CDC14B: variants seen among roughly 807,000 people sequenced by gnomAD.
CDC14B encodes cell division cycle 14B, also known as dual specificity protein phosphatase CDC14B.
Under a neutral mutation model 64.2 loss-of-function variants are expected in CDC14B, and 22 were observed. That is an observed-to-expected ratio of 0.34 (90% CI 0.24 to 0.49). The LOEUF (loss-of-function observed/expected upper bound fraction) is 0.49, where lower values mean the gene tolerates loss of function less well. Among genes scored for constraint, CDC14B ranks in the 20% least tolerant of loss-of-function variants. CDC14B has a pLI of 0.99. For missense variants in CDC14B, 498 were observed against 629.9 expected (o/e 0.79, Z 2.24); for synonymous variants, 191 against 215.8 (o/e 0.89, Z 1.01).
At chr9:96,492,045 G>A (rs1290206403) in exon 14 of CDC14B, 3 of 152,368 alleles carry the variant, frequency 2.0e-5, no homozygotes, top group Non-Finnish European at 4.4e-5. Flanking sequence ...GGAGGCGGCA[G>A]GACCTTTTGG....
chr9:96,598,812 GAATACAGCATTTT>G (rs1461230418), intron 1 of CDC14B, among the ~76,000 whole-genome samples: 1 of 151,988 alleles, frequency 6.6e-6, no homozygotes, highest in Non-Finnish European at 1.5e-5. Context: ...CCAAATTATT[GAATACAGCATTTT>G]AATACCTAAA....
intron 1 of CDC14B, among the ~76,000 whole-genome samples, chr9:96,617,491 AT>A (rs1251689133): frequency 3.9e-5 from 6 of 152,164 alleles, no homozygotes; most frequent in Non-Finnish European, 5.9e-5. Context: ...CCGTATGTAC[AT>A]TGGCCTAAGC....
intron 2 of CDC14B, 55 bp from the exon 3 acceptor site, chr9:96,564,907 A>G (rs1165986346): frequency 8.2e-7 from 1 of 1,214,368 alleles, no homozygotes; most frequent in Admixed American, 2.3e-5. Flanking sequence ...CTGAATATAA[A>G]TGCCTTTTTT....
At chr9:96,507,706 G>A (rs1247539919) in intron 13 of CDC14B, among the ~76,000 whole-genome samples, 2 of 151,644 alleles carry the variant, frequency 1.3e-5, no homozygotes, top group South Asian at 2.1e-4. Context: ...GAGCCACCGC[G>A]CCCAGCCTGA....
intron 1 of CDC14B, among the ~76,000 whole-genome samples, chr9:96,569,970 G>A (rs1053018009): frequency 2.0e-5 from 3 of 152,146 alleles, no homozygotes; most frequent in African/African-American, 7.2e-5. Context: ...TCCCCCCATT[G>A]ATGTTTCTGT....
intron 1 of CDC14B, among the ~76,000 whole-genome samples, chr9:96,599,750 T>C (rs1237734233): frequency 6.6e-6 from 1 of 152,174 alleles, no homozygotes; most frequent in East Asian, 1.9e-4. Context: ...TGTTTTCTTT[T>C]TTTTTTGAGA....
intron 8 of CDC14B, 141 bp from the exon 9 acceptor site, chr9:96,534,298 A>C: frequency 1.3e-6 from 1 of 783,462 alleles, no homozygotes; most frequent in Non-Finnish European, 2.0e-6. Flanking sequence ...ACAAAAGAAA[A>C]GAAAGTTAAA....
At chr9:96,541,931 T>A in intron 5 of CDC14B, 39 bp from the exon 6 acceptor site, 1 of 1,432,116 alleles carries the variant, frequency 7.0e-7, no homozygotes, top group Non-Finnish European at 9.8e-7. Flanking sequence ...TCAGTTAATT[T>A]TCTGCAATTA....
chr9:96,600,477 A>G (rs1846360218), intron 1 of CDC14B, among the ~76,000 whole-genome samples: 1 of 151,790 alleles, frequency 6.6e-6, no homozygotes, highest in South Asian at 2.1e-4. Context: ...GATTAATGGG[A>G]TAAGGAGAGA....
rs1317053131 is a variant in CDC14B, at chr9:96,533,920, A to C, written c.946+7T>G. ...ATACTATTCTTTAACCACCCCTAGA[A>C]ACATACCTTTGCAATGTACTGCAAT... On this transcript the variant is annotated splice_region_variant and intron_variant, in intron 9 of 13. Coordinates refer to ENST00000375241, the MANE Select transcript of CDC14B (RefSeq NM_033331.4). 1 of 1,586,126 alleles carries C rather than the reference A, an allele frequency of 6.3e-7. No individual in the cohort carries two copies. The highest frequency in any genetic ancestry group is 1.7e-5 in the Admixed American group (1 of 58,598).
intron 5 of CDC14B, among the ~76,000 whole-genome samples, chr9:96,545,275 T>C (rs1840633533): frequency 6.6e-6 from 1 of 151,998 alleles, no homozygotes; most frequent in Non-Finnish European, 1.5e-5. Flanking sequence ...AACCCTCAAG[T>C]TGGATCCCAA....
chr9:96,605,210 T>A (rs1390446801), intron 1 of CDC14B, among the ~76,000 whole-genome samples: 2 of 152,104 alleles, frequency 1.3e-5, no homozygotes, highest in African/African-American at 4.8e-5. Flanking sequence ...CGTAATGGAA[T>A]GCAGCAGGCG....
chr9:96,605,582 C>A (rs1019024411), intron 1 of CDC14B, among the ~76,000 whole-genome samples: 17 of 152,230 alleles, frequency 1.1e-4, no homozygotes, highest in African/African-American at 4.1e-4. Context: ...CCTGTGAGTG[C>A]TTCCTGGGAT....
intron 1 of CDC14B, among the ~76,000 whole-genome samples, chr9:96,573,991 C>G (rs916055278): frequency 2.0e-5 from 3 of 151,998 alleles, no homozygotes; most frequent in African/African-American, 7.2e-5. Flanking sequence ...ACTAAAAATA[C>G]AAAAACTTAG....
chr9:96,494,807 G>A (rs1346026331), intron 13 of CDC14B, among the ~76,000 whole-genome samples: 2 of 95,620 alleles, frequency 2.1e-5, no homozygotes, highest in African/African-American at 4.4e-5. Flanking sequence ...GTCCAGTCTC[G>A]TCCCGTCCCA....
chr9:96,533,474 T>C (rs561080120), intron 9 of CDC14B, among the ~76,000 whole-genome samples: 2 of 152,354 alleles, frequency 1.3e-5, no homozygotes, highest in Non-Finnish European at 2.9e-5. Flanking sequence ...AAAACTATAT[T>C]TCTTGTTTCT....
chr9:96,598,207 T>G (rs1846208189), intron 1 of CDC14B, among the ~76,000 whole-genome samples: 1 of 152,260 alleles, frequency 6.6e-6, no homozygotes, highest in Admixed American at 6.5e-5. Flanking sequence ...ATGGCCAGTT[T>G]TCAGAAACTC....
At chr9:96,492,759 ATT>A (rs976132347) in exon 14 of CDC14B, 1 of 152,054 alleles carries the variant, frequency 6.6e-6, no homozygotes, top group East Asian at 1.9e-4. Context: ...AGAAAAAAAA[ATT>A]TTTTTAAAAA....
chr9:96,581,492 T>TAATTAAATTAATTAATTTAATTA (rs57208687), intron 1 of CDC14B, among the ~76,000 whole-genome samples: 1 of 150,626 alleles, frequency 6.6e-6, no homozygotes, highest in African/African-American at 2.5e-5. Flanking sequence ...TTAATTAAAT[T>TAATTAAATTAATTAATTTAATTA]AATTAAATTT....
Sources: gnomAD v4.1 joint callset for allele counts (sites outside exome capture counted in the v4.1 genomes callset) on GRCh38, gnomAD v4.1.1 for gene constraint, MANE v1.5 for transcripts, NCBI Gene and HGNC (gene_info 2026-07-23, HGNC 2026-07-21) for gene names.